CLMN: variants seen among roughly 807,000 people sequenced by gnomAD.
CLMN encodes calmin.
A neutral mutation model predicts 92.7 loss-of-function variants in CLMN; 57 were observed. That is an observed-to-expected ratio of 0.61 (90% CI 0.50 to 0.77). CLMN has a LOEUF of 0.77. CLMN is among the 30% of genes least tolerant of loss of function. The probability of loss-of-function intolerance (pLI) is 0.00; values close to 1 mark genes in which losing one functional copy is unlikely to be tolerated. For synonymous variants in CLMN, 466 were observed against 470.6 expected, an observed-to-expected ratio of 0.99 and a Z score of 0.13; for missense variants, 1,158 against 1,237.5, an observed-to-expected ratio of 0.94 and a Z score of 0.96.
chr14:95,232,930 G>C (rs149168662), intron 1 of CLMN, among the ~76,000 whole-genome samples: 2 of 152,274 alleles, frequency 1.3e-5, no homozygotes, highest in East Asian at 3.9e-4. Context: ...TGAGCATCCT[G>C]GTTCTTTGTG....
chr14:95,240,492 C>T lies in CLMN; in HGVS notation c.83-10359G>A, dbSNP rs1898207697. 3.9e-5 allele frequency among the ~76,000 whole-genome samples: 6 copies of T among 152,040 alleles called. No individual in the cohort carries two copies. The South Asian group carries it at 1.0e-3, about 26-fold the overall frequency. On this transcript the variant is annotated intron_variant, in intron 1 of 12. Transcript: ENST00000298912. The stretch of plus-strand genomic sequence containing the variant: ...CATGGACCTGGAGGGGAGACAGAAC[C>T]ATAAAAGGAAAGGAGTCTGGGGTCC...
intron 1 of CLMN, among the ~76,000 whole-genome samples, chr14:95,258,582 TGTG>T (rs1279927176): frequency 4.0e-5 from 6 of 149,930 alleles, no homozygotes; most frequent in African/African-American, 1.5e-4. Flanking sequence ...GGTATGTGTA[TGTG>T]GTGTGTATGT....
At chr14:95,212,122 C>T (rs75582247) in intron 6 of CLMN, among the ~76,000 whole-genome samples, 6,727 of 152,276 alleles carry the variant, frequency 0.044, 213 homozygotes, top group Middle Eastern at 0.088. Context: ...GATCCAACCT[C>T]TCTTCCCTCT....
At position 95,194,594 on chromosome 14, in the gene CLMN, G is replaced by A; in HGVS notation, c.2711C>T (p.Thr904Ile). The change falls in exon 11 of 13, where the codon ACT (threonine) becomes ATT (isoleucine). Residue 904 changes from threonine (T) to isoleucine (I), a missense_variant and splice_region_variant. Physicochemically the swap from Thr to Ile is moderately conservative, Grantham distance 89. Coordinates refer to ENST00000298912, the MANE Select transcript of CLMN (RefSeq NM_024734.4). The surrounding 1 kb of genome is among the most constrained non-coding windows in gnomAD (Gnocchi z 4.0). ...DSSDYSIPSRTSHSDSSIYLR... is the reference protein window; with the variant it reads ...DSSDYSIPSRISHSDSSIYLR... Reference sequence around the variant, plus strand: ...GTAAATGCTGGAGTCACTGTGACTAGTCCTGAAAAACAAACACATGTTTTG... The same window carrying A: ...GTAAATGCTGGAGTCACTGTGACTAATCCTGAAAAACAAACACATGTTTTG... 1.2e-6 allele frequency: 2 copies of A among 1,614,150 alleles called. No homozygotes were observed. Among genetic ancestry groups the A allele is most frequent in the Non-Finnish European group, 8.5e-7 (1 of 1,179,982 alleles).
At chr14:95,220,169 C>CTTTTTTTTTTTTTTTTT (rs767326601) in intron 4 of CLMN, among the ~76,000 whole-genome samples, 3 of 71,804 alleles carry the variant, frequency 4.2e-5, no homozygotes, top group South Asian at 6.2e-4. Context: ...GGATAGGTCC[C>CTTTTTTTTTTTTTTTTT]TTTTTTTTTT....
At chr14:95,265,199 C>G (rs1042208402) in intron 1 of CLMN, among the ~76,000 whole-genome samples, 2 of 151,884 alleles carry the variant, frequency 1.3e-5, no homozygotes, top group African/African-American at 4.8e-5. Context: ...CGAGACTGTG[C>G]CACAGCACTG....
At chr14:95,266,397 T>C (rs1321588402) in intron 1 of CLMN, among the ~76,000 whole-genome samples, 1 of 152,230 alleles carries the variant, frequency 6.6e-6, no homozygotes, top group Non-Finnish European at 1.5e-5. Context: ...GTAGCATTTA[T>C]ATGACGAAAG....
At chr14:95,245,246 A>AT (rs1898484955) in intron 1 of CLMN, among the ~76,000 whole-genome samples, 1 of 37,050 alleles carries the variant, frequency 2.7e-5, no homozygotes, top group African/African-American at 1.8e-4. Context: ...TATTATATAT[A>AT]TATATATAAT....
chr14:95,224,523 T>C (rs975229717), intron 2 of CLMN, among the ~76,000 whole-genome samples: 3 of 152,116 alleles, frequency 2.0e-5, no homozygotes, highest in Non-Finnish European at 2.9e-5. Flanking sequence ...CCTCAGGTGA[T>C]CCGCCCGCCT....
intron 1 of CLMN, among the ~76,000 whole-genome samples, chr14:95,283,970 C>T (rs1316722488): frequency 6.6e-6 from 1 of 152,200 alleles, no homozygotes; most frequent in African/African-American, 2.4e-5. Flanking sequence ...CAGGCCACGT[C>T]AGAGACCTTC....
At chr14:95,301,997 T>TGA (rs1380907133) in intron 1 of CLMN, among the ~76,000 whole-genome samples, 1 of 152,212 alleles carries the variant, frequency 6.6e-6, no homozygotes, top group African/African-American at 2.4e-5. Context: ...ACCACAACAC[T>TGA]GAGCTATGGT....
Position 95,223,814 on chromosome 14 carries a change from T to A in CLMN, c.186A>T (p.Ile62=). 6.2e-7 allele frequency: 1 copy of A among 1,613,964 alleles called. No individual in the cohort carries two copies. Among genetic ancestry groups the A allele is most frequent in the Non-Finnish European group, 8.5e-7 (1 of 1,179,992 alleles). The change falls in exon 3 of 13, where the codon ATA becomes ATT. Residue 62 remains isoleucine (I), a synonymous_variant. Coordinates refer to ENST00000298912, the MANE Select transcript of CLMN (RefSeq NM_024734.4). ...PLEVKDLFVD[I]QDGKILMALL... is the part of the protein sequence containing the mutation. ...AAGCCATTAGGATTTTGCCATCTTG[T>A]ATATCGACGAATAAATCTTTAACTT...
At chr14:95,238,558 C>A (rs987331671) in intron 1 of CLMN, among the ~76,000 whole-genome samples, 2 of 152,188 alleles carry the variant, frequency 1.3e-5, no homozygotes, top group Admixed American at 6.5e-5. Flanking sequence ...TGGGACCATG[C>A]GCCAAGCAGC....
At chr14:95,248,857 A>G (rs1026555681) in intron 1 of CLMN, among the ~76,000 whole-genome samples, 1 of 152,188 alleles carries the variant, frequency 6.6e-6, no homozygotes, top group African/African-American at 2.4e-5. Context: ...TTTTTCTACC[A>G]TAAGTATATA....
chr14:95,238,603 T>C (rs1170515235), intron 1 of CLMN, among the ~76,000 whole-genome samples: 1 of 152,160 alleles, frequency 6.6e-6, no homozygotes, highest in Non-Finnish European at 1.5e-5. Flanking sequence ...AGGCCAAGTC[T>C]TGTAGAGGCC....
At chr14:95,271,354 C>T (rs542873019) in intron 1 of CLMN, among the ~76,000 whole-genome samples, 48 of 152,246 alleles carry the variant, frequency 3.2e-4, no homozygotes, top group Non-Finnish European at 5.3e-4. Context: ...TTATTCTGAA[C>T]GATTCAGTCC....
chr14:95,221,232 G>A (rs1463536518), intron 4 of CLMN, among the ~76,000 whole-genome samples: 2 of 152,292 alleles, frequency 1.3e-5, no homozygotes, highest in South Asian at 2.1e-4. Flanking sequence ...GATCATCGGA[G>A]TCTAGAAAGT....
chr14:95,245,270 T>TATAAATAA (rs1427351722), intron 1 of CLMN, among the ~76,000 whole-genome samples: 2 of 53,730 alleles, frequency 3.7e-5, no homozygotes, highest in African/African-American at 1.8e-4. Flanking sequence ...TATATATATA[T>TATAAATAA]TATATATATA....
rs778138471 is a variant in CLMN at position 95,202,977 on chromosome 14, G to A, written c.2372C>T (p.Pro791Leu). Residue 791 changes from proline to leucine, a missense_variant, in exon 9 of 13, where the codon CCC (proline) becomes CTC (leucine). By Grantham distance (98) the Pro-to-Leu change is moderately conservative. Coordinates refer to ENST00000298912, the MANE Select transcript of CLMN (RefSeq NM_024734.4). ...SSSSVPGESL[P>L]SASDQVLYLS... ...ATACAGCACCTGGTCGCTGGCACTGGGGAGGCTCTCTCCTGGCACCGAGGA... is the reference window on the plus strand; with the variant it reads ...ATACAGCACCTGGTCGCTGGCACTGAGGAGGCTCTCTCCTGGCACCGAGGA... The A allele has an allele frequency of 6.8e-6, 11 of 1,614,126 alleles. No homozygotes were observed. In the South Asian group the frequency reaches 1.2e-4, roughly 18 times the overall value.
Sources: allele counts gnomAD v4.1 joint callset (sites outside exome capture counted in the v4.1 genomes callset), GRCh38; gene constraint gnomAD v4.1.1; non-coding constraint Gnocchi (gnomAD v3.1); transcripts MANE v1.5; gene names NCBI Gene and HGNC (gene_info 2026-07-23, HGNC 2026-07-21).